Variants in HACD3 observed in about 807,000 individuals in gnomAD.
HACD3 encodes the protein very-long-chain (3R)-3-hydroxyacyl-CoA dehydratase 3.
A neutral mutation model predicts 55.2 loss-of-function variants in HACD3; 30 were observed. The observed-to-expected ratio is 0.54, with a 90% CI of 0.41 to 0.74. The LOEUF is 0.74. Ranked by LOEUF, HACD3 falls within the 30% of genes least tolerant of loss-of-function variation. The probability of loss-of-function intolerance (pLI) is 0.00; values close to 1 mark genes in which losing one functional copy is unlikely to be tolerated. For missense variants in HACD3, 363 were observed against 440.1 expected, an observed-to-expected ratio of 0.82 and a Z score of 1.57; for synonymous variants, 141 against 151.7, an observed-to-expected ratio of 0.93 and a Z score of 0.52.
rs2072402667 is a variant in HACD3 at position 65,576,508 on chromosome 15, T to C, written c.*129T>C. 1 of 978,518 alleles carries C rather than the reference T, an allele frequency of 1.0e-6. No individual in the cohort carries two copies. Among genetic ancestry groups the C allele is most frequent in the Non-Finnish European group, 1.5e-6 (1 of 675,906 alleles). 60.6% of individuals were successfully genotyped at this position (978,518 alleles called of 1,614,324 possible). On this transcript the variant is annotated 3_prime_UTR_variant, in exon 11 of 11. Transcript: ENST00000261875. ...AATTCTCAGTGAGGCTATCTTCCTTTTCCCCAGTAACATTCCTGAATTTAC... is the reference window on the plus strand; with the variant it reads ...AATTCTCAGTGAGGCTATCTTCCTTCTCCCCAGTAACATTCCTGAATTTAC...
At chr15:65,534,621 G>T (rs969770191) in intron 1 of HACD3, among the ~76,000 whole-genome samples, 2 of 152,222 alleles carry the variant, frequency 1.3e-5, no homozygotes, top group Non-Finnish European at 2.9e-5. Flanking sequence ...TTTGAGAGCT[G>T]TTTGAAAGAT....
intron 1 of HACD3, among the ~76,000 whole-genome samples, chr15:65,548,354 A>G (rs979608012): frequency 2.6e-5 from 4 of 151,864 alleles, no homozygotes; most frequent in Non-Finnish European, 5.9e-5. Flanking sequence ...CAAAAAATTT[A>G]AAAAAGATAT....
At chr15:65,569,525 A>G (rs990240831) in intron 7 of HACD3, among the ~76,000 whole-genome samples, 6 of 152,152 alleles carry the variant, frequency 3.9e-5, no homozygotes, top group Non-Finnish European at 8.8e-5. Context: ...CTTGGCCAAC[A>G]CAGTGAGACC....
chr15:65,533,999 C>T (rs1433405802), intron 1 of HACD3, among the ~76,000 whole-genome samples: 1 of 150,964 alleles, frequency 6.6e-6, no homozygotes, highest in Non-Finnish European at 1.5e-5. Context: ...TGCAGTGAGC[C>T]GAGACTGCGC....
intron 10 of HACD3, among the ~76,000 whole-genome samples, chr15:65,573,862 G>A (rs1025123156): frequency 1.3e-5 from 2 of 152,152 alleles, no homozygotes; most frequent in Admixed American, 6.5e-5. Context: ...ATATATTTGA[G>A]AGGAGAAAAC....
intron 1 of HACD3, among the ~76,000 whole-genome samples, chr15:65,541,729 ATT>A (rs1555483001): frequency 6.6e-6 from 1 of 152,214 alleles, no homozygotes; most frequent in Non-Finnish European, 1.5e-5. Context: ...GTTGGTTGGT[ATT>A]CTTTGAAATT....
At chr15:65,552,593 C>T (rs1013138882) in intron 2 of HACD3, among the ~76,000 whole-genome samples, 2 of 151,920 alleles carry the variant, frequency 1.3e-5, no homozygotes, top group African/African-American at 4.8e-5. Context: ...ACCTCGGCCT[C>T]TCGAAGTGCT....
At chr15:65,560,106 G>T (rs1229124744) in intron 5 of HACD3, among the ~76,000 whole-genome samples, 1 of 151,546 alleles carries the variant, frequency 6.6e-6, no homozygotes, top group Non-Finnish European at 1.5e-5. Flanking sequence ...TAAGATACTG[G>T]GCTCAAGTGA....
chr15:65,564,571 A>G, intron 7 of HACD3: 1 of 479,106 alleles, frequency 2.1e-6, no homozygotes, highest in Non-Finnish European at 3.6e-6. Context: ...AGAGAGAATG[A>G]GGAAGAAGCA....
rs955502199 is a variant in HACD3 at position 65,530,509 on chromosome 15, C to A, written c.-123C>A. On this transcript the variant is annotated 5_prime_UTR_variant, in exon 1 of 11. Transcript: ENST00000261875. ...GCGAGCGTGGGGTATCTCGAGGTGC[C>A]GGGTTGCAGGCGCTCAGGAGCGCTA... 39 of 820,968 alleles carry A rather than the reference C, an allele frequency of 4.8e-5. No homozygotes were observed. Among genetic ancestry groups the A allele is most frequent in the Admixed American group, 7.1e-5 (2 of 28,110 alleles). 50.9% of individuals were successfully genotyped at this position (820,968 alleles called of 1,614,324 possible).
At position 65,577,009 on chromosome 15, in the gene HACD3, A is replaced by G. The variant is rs543984080; in HGVS notation, c.*630A>G. 1.6e-4 allele frequency: 24 copies of G among 152,402 alleles called. No individual in the cohort carries two copies. The highest frequency in any genetic ancestry group is 5.5e-4 in the African/African-American group (23 of 41,592). The allele number at this position is 152,402 out of a possible 1,614,324, so 9.4% of individuals were successfully genotyped here. On this transcript the variant is annotated 3_prime_UTR_variant, in exon 11 of 11. Coordinates refer to ENST00000261875, the MANE Select transcript of HACD3 (RefSeq NM_016395.4). The stretch of plus-strand genomic sequence containing the variant: ...AGCAGTGTGGGCATTGAAGAGGCGC[A>G]GAATGCTTTGAAAGAAACTAATCAG...
At chr15:65,571,717 C>A in intron 9 of HACD3, 63 bp downstream of exon 9, 2 of 1,261,740 alleles carry the variant, frequency 1.6e-6, no homozygotes, top group Non-Finnish European at 2.3e-6. Context: ...GGCTGAGAGA[C>A]CAGTCCTTTC....
rs540181817 is a variant in HACD3 at position 65,535,374 on chromosome 15, A to G, written c.87+4656A>G. Reference sequence around the variant, plus strand: ...AAAAGACGTATTACCTAATAGAAAAAGGGGCAGATAATATAAACATTTCAG... The same window carrying G: ...AAAAGACGTATTACCTAATAGAAAAGGGGGCAGATAATATAAACATTTCAG... On this transcript the variant is annotated intron_variant, in intron 1 of 10. Coordinates refer to ENST00000261875, the MANE Select transcript of HACD3 (RefSeq NM_016395.4). 1.3e-4 allele frequency among the ~76,000 whole-genome samples: 20 copies of G among 152,376 alleles called. No homozygotes were observed. The South Asian group carries it at 1.4e-3, about 11-fold the overall frequency.
chr15:65,559,028 G>T (rs74021130), intron 5 of HACD3, among the ~76,000 whole-genome samples: 80 of 152,322 alleles, frequency 5.3e-4, no homozygotes, highest in African/African-American at 1.9e-3. Context: ...ATCCTGCAGA[G>T]ACTTGTGGAA....
chr15:65,572,170 G>A (rs1402213266), intron 9 of HACD3, 65 bp from the exon 10 acceptor site: 3 of 1,590,672 alleles, frequency 1.9e-6, no homozygotes, highest in Non-Finnish European at 2.6e-6. Context: ...ACTAGGACTG[G>A]AAGTTCCTGT....
At position 65,538,181 on chromosome 15, in the gene HACD3, G is replaced by A. The variant is rs114583705; in HGVS notation, c.87+7463G>A. ...AGGTCTTATTTAGAAAATACTTTCC[G>A]TAAGGTTAAAACTGTCGTAGGTAGT... On this transcript the variant is annotated intron_variant, in intron 1 of 10. Transcript: ENST00000261875. Among the ~76,000 whole-genome samples the A allele has an allele frequency of 3.5e-3, 538 of 151,846 alleles. 5 individuals are homozygous for A. Among genetic ancestry groups the A allele is most frequent in the African/African-American group, 0.012 (508 of 41,312 alleles).
chr15:65,558,702 TC>T lies in HACD3; in HGVS notation c.394del (p.Arg132AspfsTer14). ...RAKEEERLNK[L>X]RLESEGSPET... ...TAGGAAGAAGAGCGCCTAAATAAAC[TC>T]CGACTGGAAAGCGAAGGCTCTCCTG... On this transcript the variant is annotated frameshift_variant, in exon 5 of 11. Transcript: ENST00000261875. LOFTEE classifies it high-confidence loss of function. 6.2e-7 allele frequency: 1 copy of T among 1,600,996 alleles called. No individual in the cohort carries two copies. The highest frequency in any genetic ancestry group is 8.5e-7 in the Non-Finnish European group (1 of 1,173,578).
At chr15:65,571,706 A>G in intron 9 of HACD3, 52 bp downstream of exon 9, 2 of 1,371,996 alleles carry the variant, frequency 1.5e-6, no homozygotes, top group Non-Finnish European at 2.1e-6. Flanking sequence ...GGGTACCCAG[A>G]GGCTGAGAGA....
At chr15:65,557,081 C>T (rs138596972) in intron 4 of HACD3, among the ~76,000 whole-genome samples, 178 bp downstream of exon 4, 11 of 152,176 alleles carry the variant, frequency 7.2e-5, no homozygotes, top group Non-Finnish European at 1.0e-4. Context: ...GACTTTCCTT[C>T]GGTTGAAATC....
Sources: gnomAD v4.1 joint callset for allele counts (sites outside exome capture counted in the v4.1 genomes callset) on GRCh38, gnomAD v4.1.1 for gene constraint, MANE v1.5 for transcripts, NCBI Gene and HGNC (gene_info 2026-07-23, HGNC 2026-07-21) for gene names.